The following CDH23 variants were observed in gnomAD, a reference collection of about 807,000 sequenced individuals.
CDH23 encodes the protein cadherin-23.
CDH23 carries 189 observed loss-of-function variants against 317.1 expected under a neutral mutation model. The ratio of observed to expected loss-of-function variants is 0.60; its 90% confidence interval spans 0.53 to 0.67. The LOEUF (loss-of-function observed/expected upper bound fraction) is 0.67. Among genes scored for constraint, CDH23 ranks in the 30% least tolerant of loss-of-function variants. The pLI is 0.00. For synonymous variants in CDH23, 1,839 were observed against 1,876.8 expected (o/e 0.98, Z 0.52); for missense variants, 4,401 against 4,592.4 (o/e 0.96, Z 1.20).
At chr10:71,569,887 TA>T (rs1027151024) in intron 7 of CDH23, among the ~76,000 whole-genome samples, 42 of 151,012 alleles carry the variant, frequency 2.8e-4, no homozygotes, top group African/African-American at 8.5e-4. Context: ...TGCCAAGCAT[TA>T]AAAAAAAATT....
Position 71,741,750 on chromosome 10 carries a change from G to A in CDH23, c.4674G>A (p.Gly1558=). 1 of 1,612,688 alleles carries A rather than the reference G, an allele frequency of 6.2e-7. No homozygotes were observed. The highest frequency in any genetic ancestry group is 8.5e-7 in the Non-Finnish European group (1 of 1,179,380). ...VQVRATDRDI[G]INSVLSYYIT... The stretch of plus-strand genomic sequence containing the variant: ...TGAGAGCCACTGACCGTGACATCGG[G>A]ATCAACAGTGTTCTGTCCTACTACA... Residue 1558 remains glycine (G), a synonymous_variant, in exon 38 of 70, where the codon GGG becomes GGA. Coordinates refer to ENST00000224721, the MANE Select transcript of CDH23 (RefSeq NM_022124.6).
intron 11 of CDH23, among the ~76,000 whole-genome samples, chr10:71,618,273 G>C (rs544401275): frequency 4.6e-5 from 7 of 152,172 alleles, no homozygotes; most frequent in South Asian, 2.1e-4. Context: ...AGGAAGTAAG[G>C]GAGAGCTGCA....
intron 14 of CDH23, among the ~76,000 whole-genome samples, chr10:71,660,451 C>T (rs1050734505): frequency 3.3e-5 from 5 of 152,178 alleles, no homozygotes; most frequent in African/African-American, 9.7e-5. Context: ...GGGTGTGTCC[C>T]TCATCTTCAT....
chr10:71,702,472 C>G, intron 23 of CDH23, 77 bp from the exon 24 acceptor site: 1 of 1,574,758 alleles, frequency 6.4e-7, no homozygotes, highest in East Asian at 2.2e-5. Context: ...CCTCTCACCA[C>G]TTGCCTTCTT....
chr10:71,601,148 ACAATCTG>A (rs1860192219), intron 9 of CDH23, among the ~76,000 whole-genome samples: 1 of 152,228 alleles, frequency 6.6e-6, no homozygotes, highest in Non-Finnish European at 1.5e-5. Flanking sequence ...TGGGCCTGGC[ACAATCTG>A]CATCCTTTCT....
At chr10:71,487,131 T>C (rs1852392667) in intron 3 of CDH23, among the ~76,000 whole-genome samples, 1 of 152,176 alleles carries the variant, frequency 6.6e-6, no homozygotes, top group Non-Finnish European at 1.5e-5. Flanking sequence ...CACCTCCAAC[T>C]CATCCTCCAG....
intron 18 of CDH23, among the ~76,000 whole-genome samples, chr10:71,685,683 T>C (rs1053011664): frequency 6.6e-6 from 1 of 152,108 alleles, no homozygotes; most frequent in Non-Finnish European, 1.5e-5. Context: ...CCCTTCCGAG[T>C]ACACCCTGGC....
intron 1 of CDH23, among the ~76,000 whole-genome samples, chr10:71,422,782 G>T (rs1334043135): frequency 1.3e-5 from 2 of 152,266 alleles, no homozygotes; most frequent in East Asian, 1.9e-4. Context: ...TGCTTGATCT[G>T]CCATCAGGAA....
chr10:71,687,977 G>C (rs1864976705), intron 19 of CDH23, among the ~76,000 whole-genome samples: 1 of 152,192 alleles, frequency 6.6e-6, no homozygotes, highest in African/African-American at 2.4e-5. Context: ...TCTAACTATA[G>C]TCTAGTGGGG....
At chr10:71,586,016 C>T (rs190729918) in intron 9 of CDH23, among the ~76,000 whole-genome samples, 4 of 152,308 alleles carry the variant, frequency 2.6e-5, no homozygotes, top group African/African-American at 9.6e-5. Flanking sequence ...GTCCCTTGCT[C>T]GGGACATAGA....
Position 71,578,004 on chromosome 10 carries a change from G to A in CDH23, c.832+12G>A. 1 of 1,585,562 alleles carries A rather than the reference G, an allele frequency of 6.3e-7. No individual in the cohort carries two copies. The highest frequency in any genetic ancestry group is 8.6e-7 in the Non-Finnish European group (1 of 1,165,980). ...CACCATCGTTTCAGGTAAGACAGAA[G>A]GCTGCCCCTCTCTCCTCTCACCCCT... On this transcript the variant is annotated intron_variant, in intron 9 of 69. Transcript: ENST00000224721.
chr10:71,743,097 C>T (rs1839778645), intron 38 of CDH23, among the ~76,000 whole-genome samples: 1 of 152,210 alleles, frequency 6.6e-6, no homozygotes, highest in Non-Finnish European at 1.5e-5. Flanking sequence ...GGAACTGGCA[C>T]AAGGTCACTT....
chr10:71,699,373 C>T (rs1865504312), intron 22 of CDH23, among the ~76,000 whole-genome samples: 1 of 152,246 alleles, frequency 6.6e-6, no homozygotes, highest in Admixed American at 6.5e-5. Flanking sequence ...CACCTGGAGT[C>T]GGAGGCACAA....
chr10:71,739,835 C>T (rs1212840944), intron 36 of CDH23, 63 bp downstream of exon 36: 11 of 1,529,502 alleles, frequency 7.2e-6, no homozygotes, highest in Non-Finnish European at 8.8e-6. Flanking sequence ...GGTCACTACT[C>T]TCCATCCAGG....
Position 71,809,833 on chromosome 10 carries a change from C to T in CDH23, c.8736C>T (p.Gly2912=), listed in dbSNP as rs1841862051. The change falls in exon 61 of 70, where the codon GGC becomes GGT. Residue 2912 remains glycine, a synonymous_variant. Coordinates refer to ENST00000224721, the MANE Select transcript of CDH23 (RefSeq NM_022124.6). Reference sequence around the variant, plus strand: ...GGCTTCCTGCAGGGAGCATGGACGGCATTCTGCGCACCTTCGACCTCTTCA... The same window carrying T: ...GGCTTCCTGCAGGGAGCATGGACGGTATTCTGCGCACCTTCGACCTCTTCA... The part of the protein sequence containing the change: ...GQVFTMGSMD[G]ILRTFDLFMA... The T allele has an allele frequency of 3.1e-6, 5 of 1,612,454 alleles. No individual in the cohort carries two copies. The highest frequency in any genetic ancestry group is 4.2e-6 in the Non-Finnish European group (5 of 1,179,348).
In CDH23 at chr10:71,785,009, T is replaced by G. The variant is rs764112842; in HGVS notation, c.5621T>G (p.Leu1874Arg). ...SPVSSFVAHV[L>R]ASDADSGCNA... ...GTCTCCAGCTTTGTCGCCCATGTCCTGGCCAGTGACGCTGACAGTGGCTGC... is the reference window on the plus strand; with the variant it reads ...GTCTCCAGCTTTGTCGCCCATGTCCGGGCCAGTGACGCTGACAGTGGCTGC... The change falls in exon 43 of 70, where the codon CTG (leucine) becomes CGG (arginine). Residue 1874 changes from leucine to arginine, a missense_variant. Physicochemically the swap from Leu to Arg is moderately radical, Grantham distance 102. Transcript: ENST00000224721. 2.0e-5 allele frequency: 32 copies of G among 1,613,970 alleles called. No homozygotes were observed. The East Asian group carries it at 6.2e-4, about 31-fold the overall frequency.
chr10:71,557,415 G>A (rs1008379952), intron 6 of CDH23, among the ~76,000 whole-genome samples: 1 of 152,178 alleles, frequency 6.6e-6, no homozygotes, highest in African/African-American at 2.4e-5. Context: ...TCTGACTTGT[G>A]TGGTGTTCTG....
intron 3 of CDH23, among the ~76,000 whole-genome samples, chr10:71,478,121 C>T (rs761328822): frequency 6.6e-6 from 1 of 152,172 alleles, no homozygotes; most frequent in Non-Finnish European, 1.5e-5. Context: ...ACATGTCTGC[C>T]AAAAGAATCT....
intron 3 of CDH23, among the ~76,000 whole-genome samples, chr10:71,450,672 A>C (rs1292888285): frequency 2.6e-5 from 4 of 151,850 alleles, no homozygotes; most frequent in Non-Finnish European, 5.9e-5. Context: ...GTGGCCTTCA[A>C]TTGGTTGATC....
Sources: allele counts gnomAD v4.1 joint callset (sites outside exome capture counted in the v4.1 genomes callset), GRCh38; gene constraint gnomAD v4.1.1; transcripts MANE v1.5; gene names NCBI Gene and HGNC (gene_info 2026-07-23, HGNC 2026-07-21).